SYTL3: variants seen among roughly 807,000 people sequenced by gnomAD.
SYTL3 encodes the protein synaptotagmin-like protein 3.
In SYTL3, 88 loss-of-function variants were observed where a neutral mutation model predicts 82.1. The observed-to-expected ratio is 1.07, with a 90% CI of 0.90 to 1.28. The LOEUF (loss-of-function observed/expected upper bound fraction) is 1.28, where lower values mean the gene tolerates loss of function less well. Among genes scored for constraint, SYTL3 ranks in the 50% most tolerant of loss-of-function variants. SYTL3 has a pLI of 0.00. For synonymous variants in SYTL3, 311 were observed against 289.4 expected, an observed-to-expected ratio of 1.07 and a Z score of -0.76; for missense variants, 831 against 757.6, an observed-to-expected ratio of 1.10 and a Z score of -1.14.
intron 12 of SYTL3, among the ~76,000 whole-genome samples, chr6:158,750,023 A>T (rs1368753386): frequency 6.6e-6 from 1 of 152,248 alleles, no homozygotes; most frequent in African/African-American, 2.4e-5. Flanking sequence ...CATCAACAGG[A>T]TAAATGACTT....
At chr6:158,731,718 C>G (rs1188274986) in intron 11 of SYTL3, among the ~76,000 whole-genome samples, 1 of 152,150 alleles carries the variant, frequency 6.6e-6, no homozygotes, top group Non-Finnish European at 1.5e-5. Context: ...CTCAGCCTCC[C>G]AAGTAGCTAG....
intron 5 of SYTL3, among the ~76,000 whole-genome samples, chr6:158,673,840 T>C (rs1253682479): frequency 6.6e-6 from 1 of 150,874 alleles, no homozygotes; most frequent in Non-Finnish European, 1.5e-5. Flanking sequence ...TCCCAGCACT[T>C]TGGGAGGCCG....
intron 11 of SYTL3, among the ~76,000 whole-genome samples, chr6:158,738,796 GA>G (rs1443216403): frequency 6.6e-6 from 1 of 152,180 alleles, no homozygotes; most frequent in Non-Finnish European, 1.5e-5. Context: ...TAGCTGAGAT[GA>G]CAGGTGTGTG....
chr6:158,758,267 C>T lies in SYTL3; in HGVS notation c.1308+886C>T, dbSNP rs532702177. On this transcript the variant is annotated intron_variant, in intron 14 of 17. Coordinates refer to ENST00000611299, the MANE Select transcript of SYTL3 (RefSeq NM_001242394.2). Reference sequence around the variant, plus strand: ...CATCCTGGCTAACACAGTGAAACCCCGTCTCTCTAAAAATACAAAAATTAG... The same window carrying T: ...CATCCTGGCTAACACAGTGAAACCCTGTCTCTCTAAAAATACAAAAATTAG... Among the ~76,000 whole-genome samples the T allele has an allele frequency of 1.8e-3, 272 of 152,118 alleles. 1 individual carries two copies. The highest frequency in any genetic ancestry group is 2.8e-3 in the Non-Finnish European group (190 of 67,976).
chr6:158,713,850 G>T lies in SYTL3; in HGVS notation c.567G>T (p.Leu189Phe). The change falls in exon 9 of 18, where the codon TTG becomes TTT. Residue 189 changes from leucine (L) to phenylalanine (F), a missense_variant. By Grantham distance (22) the Leu-to-Phe change is conservative (BLOSUM62 0). Transcript: ENST00000611299. ...FRGFNKSVEN[L>F]FLSLATHVKK... ...GATTTAATAAGTCCGTGGAAAATTT[G>T]TTTCTGTCTCTTGCTACCCACGTGA... The T allele has an allele frequency of 6.4e-7, 1 of 1,550,920 alleles. No individual in the cohort carries two copies. Among genetic ancestry groups the T allele is most frequent in the Non-Finnish European group, 8.7e-7 (1 of 1,146,870 alleles).
intron 6 of SYTL3, among the ~76,000 whole-genome samples, chr6:158,684,810 TAAA>T (rs370131896): frequency 1.6e-5 from 2 of 125,442 alleles, no homozygotes; most frequent in Admixed American, 8.1e-5. Context: ...TGGCTCTTCT[TAAA>T]AAAAAAAAAA....
intron 12 of SYTL3, among the ~76,000 whole-genome samples, chr6:158,749,390 G>GAAAA (rs1167978441): frequency 1.4e-3 from 71 of 51,344 alleles, no homozygotes; most frequent in East Asian, 4.0e-3. Context: ...GACTCTGTCT[G>GAAAA]AAAAAAAAAA....
intron 5 of SYTL3, among the ~76,000 whole-genome samples, chr6:158,667,016 C>G (rs534927141): frequency 4.1e-4 from 63 of 152,344 alleles, no homozygotes; most frequent in African/African-American, 1.5e-3. Context: ...GTGAGCTGCC[C>G]TGGCGGCATA....
intron 5 of SYTL3, among the ~76,000 whole-genome samples, chr6:158,668,330 G>A (rs983528319): frequency 1.3e-5 from 2 of 152,186 alleles, no homozygotes; most frequent in Non-Finnish European, 2.9e-5. Flanking sequence ...CCAGGTTCAA[G>A]CGATTCTCCT....
chr6:158,684,066 G>A (rs1017681038), intron 6 of SYTL3, among the ~76,000 whole-genome samples: 4 of 152,252 alleles, frequency 2.6e-5, no homozygotes, highest in Middle Eastern at 3.4e-3. Context: ...TACAAAAGCT[G>A]GTTTTCAGGA....
chr6:158,656,038 A>T (rs1788632939), intron 2 of SYTL3, among the ~76,000 whole-genome samples: 1 of 152,160 alleles, frequency 6.6e-6, no homozygotes, highest in Non-Finnish European at 1.5e-5. Context: ...AGTCAGGAGA[A>T]CTGGATCGGG....
chr6:158,698,663 G>A (rs1780823672), intron 6 of SYTL3, among the ~76,000 whole-genome samples: 1 of 151,186 alleles, frequency 6.6e-6, no homozygotes, highest in South Asian at 2.1e-4. Context: ...AGTGGCACAG[G>A]TCGGACACTG....
intron 6 of SYTL3, among the ~76,000 whole-genome samples, chr6:158,701,842 G>A (rs1240785897): frequency 6.6e-6 from 1 of 151,908 alleles, no homozygotes; most frequent in Non-Finnish European, 1.5e-5. Context: ...TGGTGCTAGG[G>A]TAGAACGCTG....
At position 158,762,176 on chromosome 6, in the gene SYTL3, G is replaced by A; in HGVS notation, c.1515G>A (p.Lys505=). ...RPDGTLNSFV[K]GCLTLPDQQK... Reference sequence around the variant, plus strand: ...ATGGCACCTTGAACTCATTTGTTAAGGGGTAGGTATTCGATGTAATCAAAT... The same window carrying A: ...ATGGCACCTTGAACTCATTTGTTAAAGGGTAGGTATTCGATGTAATCAAAT... Residue 505 remains lysine, a splice_region_variant and synonymous_variant, in exon 16 of 18, where the codon AAG becomes AAA. Coordinates refer to ENST00000611299, the MANE Select transcript of SYTL3 (RefSeq NM_001242394.2). 1 of 1,609,862 alleles carries A rather than the reference G, an allele frequency of 6.2e-7. No individual in the cohort carries two copies. Among genetic ancestry groups the A allele is most frequent in the Non-Finnish European group, 8.5e-7 (1 of 1,176,390 alleles).
chr6:158,687,657 G>T (rs1004775648), intron 6 of SYTL3, among the ~76,000 whole-genome samples: 7 of 152,140 alleles, frequency 4.6e-5, no homozygotes, highest in African/African-American at 1.7e-4. Context: ...GCTACATCTG[G>T]TCAGTCAGCA....
intron 6 of SYTL3, among the ~76,000 whole-genome samples, chr6:158,687,868 C>CA (rs368563641): frequency 6.6e-6 from 1 of 152,174 alleles, no homozygotes; most frequent in African/African-American, 2.4e-5. Context: ...ATTTGGGAAA[C>CA]ACAGAATAGT....
chr6:158,677,359 A>G (rs912451870), intron 5 of SYTL3, among the ~76,000 whole-genome samples: 1 of 152,204 alleles, frequency 6.6e-6, no homozygotes, highest in Non-Finnish European at 1.5e-5. Flanking sequence ...TTGAACAATG[A>G]GAACACATGG....
chr6:158,720,968 C>T (rs6927680), intron 10 of SYTL3, among the ~76,000 whole-genome samples: 9,313 of 152,166 alleles, frequency 0.061, 861 homozygotes, highest in African/African-American at 0.2. Context: ...GTCCTCGGCA[C>T]GCCCCCTCCC....
intron 11 of SYTL3, among the ~76,000 whole-genome samples, chr6:158,743,236 G>A (rs1562451063): frequency 1.3e-5 from 2 of 152,076 alleles, no homozygotes. Flanking sequence ...GCTTACACAG[G>A]GACTTATGCC....
Sources: gnomAD v4.1 joint callset for allele counts (sites outside exome capture counted in the v4.1 genomes callset) on GRCh38, gnomAD v4.1.1 for gene constraint, MANE v1.5 for transcripts, NCBI Gene and HGNC (gene_info 2026-07-23, HGNC 2026-07-21) for gene names.